CNTNAP1: variants seen among roughly 807,000 people sequenced by gnomAD.
CNTNAP1 encodes the protein contactin associated protein 1, also known as contactin-associated protein 1.
Under a neutral mutation model 161.5 loss-of-function variants are expected in CNTNAP1, and 80 were observed. The observed-to-expected ratio is 0.50, with a 90% CI of 0.41 to 0.60. The LOEUF (loss-of-function observed/expected upper bound fraction) is 0.60, where lower values mean the gene tolerates loss of function less well. Among genes scored for constraint, CNTNAP1 ranks in the 20% least tolerant of loss-of-function variants. The pLI is 0.00. For missense variants in CNTNAP1, 1,464 were observed against 1,854.8 expected, an observed-to-expected ratio of 0.79 and a Z score of 3.87; for synonymous variants, 695 against 733.1, an observed-to-expected ratio of 0.95 and a Z score of 0.84.
Position 42,685,134 on chromosome 17 carries a change from A to G in CNTNAP1, c.507A>G (p.Pro169=), listed in dbSNP as rs374560939. 1 of 1,592,542 alleles carries G rather than the reference A, an allele frequency of 6.3e-7. No homozygotes were observed. Among genetic ancestry groups the G allele is most frequent in the East Asian group, 2.2e-5 (1 of 44,592 alleles). The change falls in exon 4 of 24, where the codon CCA becomes CCG. Residue 169 remains proline, a synonymous_variant. Coordinates refer to ENST00000264638, the MANE Select transcript of CNTNAP1 (RefSeq NM_003632.3). This position sits in a 1 kb window ranked among gnomAD's most constrained non-coding sequence, Gnocchi z 5.0. ...TGAGGCTCGGCCTCTATGGCTGCCC[A>G]TACAGTAAGTGTGCAGAGAGCGCGG... The part of the protein sequence containing the change: ...IGLRLGLYGC[P]YKADILYFDG...
chr17:42,699,199 T>C lies in CNTNAP1; in HGVS notation c.*289T>C, dbSNP rs533238012. The C allele has an allele frequency of 5.8e-6, 2 of 347,666 alleles. No homozygotes were observed. Among genetic ancestry groups the C allele is most frequent in the Admixed American group, 9.0e-5 (2 of 22,184 alleles). The allele number at this position is 347,666 out of a possible 1,614,324, so 21.5% of individuals were successfully genotyped here. A position where few individuals can be genotyped will look rare whatever the true frequency, so the allele number is the denominator to read the frequency against. ...TCATGGGGTTGACATAGGTCCTTTC[T>C]GCCATCTCTGTTCCAGCTGCTGTCA... is the stretch of plus-strand genomic sequence containing the variant. On this transcript the variant is annotated 3_prime_UTR_variant, in exon 24 of 24. Coordinates refer to ENST00000264638, the MANE Select transcript of CNTNAP1 (RefSeq NM_003632.3).
At position 42,685,407 on chromosome 17, in the gene CNTNAP1, G is replaced by A; in HGVS notation, c.702G>A (p.Leu234=). The change falls in exon 5 of 24, where the codon CTG becomes CTA. Residue 234 remains leucine, a synonymous_variant. Coordinates refer to ENST00000264638, the MANE Select transcript of CNTNAP1 (RefSeq NM_003632.3). This position sits in a 1 kb window ranked among gnomAD's most constrained non-coding sequence, Gnocchi z 5.0. ...AGCTGGAGGGGGCACACCTGCTGCT[G>A]CACATGAGCCTGGGTGAGCTCGGCG... ...TLELEGAHLL[L]HMSLGSSPIQ... The A allele has an allele frequency of 6.2e-7, 1 of 1,602,940 alleles. No individual in the cohort carries two copies. The highest frequency in any genetic ancestry group is 1.3e-5 in the African/African-American group (1 of 75,074).
At chr17:42,690,633 C>A in intron 12 of CNTNAP1, 106 bp from the exon 13 acceptor site, 1 of 1,140,710 alleles carries the variant, frequency 8.8e-7, no homozygotes, top group Non-Finnish European at 1.3e-6. Flanking sequence ...GAGCTGCTGG[C>A]CACGTTCAGT....
chr17:42,685,700 G>A lies in CNTNAP1; in HGVS notation c.716-257G>A, dbSNP rs183477229. Among the ~76,000 whole-genome samples the A allele has an allele frequency of 2.6e-5, 4 of 152,134 alleles. No individual in the cohort carries two copies. Among genetic ancestry groups the A allele is most frequent in the African/African-American group, 7.2e-5 (3 of 41,426 alleles). ...TCCTTGTAAACACACACACACAGAC[G>A]CACACACATTGTATCTCATTAGCTT... On this transcript the variant is annotated intron_variant, in intron 5 of 23. Transcript: ENST00000264638. This position sits in a 1 kb window ranked among gnomAD's most constrained non-coding sequence, Gnocchi z 5.0.
Position 42,695,844 on chromosome 17 carries a change from GACTAC to G in CNTNAP1, c.3318_3322del (p.Tyr1107GlyfsTer7). The G allele has an allele frequency of 1.2e-6, 2 of 1,614,088 alleles. No homozygotes were observed. The highest frequency in any genetic ancestry group is 1.7e-6 in the Non-Finnish European group (2 of 1,179,984). ...GCTCTACGTCAGTTCCTTTGTTCGT[GACTAC>G]ATGGCTGTGCTCATCAAGGATGATG... On this transcript the variant is annotated frameshift_variant, in exon 19 of 24. Transcript: ENST00000264638. LOFTEE classifies it high-confidence loss of function.
In CNTNAP1 at chr17:42,689,604, A is replaced by G; in HGVS notation, c.1712A>G (p.Tyr571Cys). 6.2e-7 allele frequency: 1 copy of G among 1,613,914 alleles called. No individual in the cohort carries two copies. Among genetic ancestry groups the G allele is most frequent in the Non-Finnish European group, 8.5e-7 (1 of 1,179,856 alleles). ...DFICYCELTG[Y>C]KGETCHTPLY... ...ATTTGCTACTGCGAACTGACGGGCT[A>G]CAAGGGAGAGACCTGCCACACACGT... Residue 571 changes from tyrosine (Y) to cysteine (C), a missense_variant, in exon 11 of 24, where the codon TAC becomes TGC. By Grantham distance (194) the Tyr-to-Cys change is radical. This residue lies in a region of CNTNAP1 where 1,383 missense variants were observed against 1,765.0 expected (regional missense o/e 0.78). Coordinates refer to ENST00000264638, the MANE Select transcript of CNTNAP1 (RefSeq NM_003632.3).
intron 20 of CNTNAP1, 134 bp downstream of exon 20, chr17:42,696,286 C>A: frequency 4.5e-6 from 5 of 1,103,314 alleles, no homozygotes; most frequent in East Asian, 2.6e-5. Flanking sequence ...TGTGTCACCT[C>A]ATGTAACCCT....
At position 42,682,746 on chromosome 17, in the gene CNTNAP1, A is replaced by G; in HGVS notation, c.-84A>G. ...AGAGCGGTCTGCTGCAAACCCCAGG[A>G]GGAGAGCTTGGAGCCCAAGCCAGAA... On this transcript the variant is annotated 5_prime_UTR_variant, in exon 1 of 24. Coordinates refer to ENST00000264638, the MANE Select transcript of CNTNAP1 (RefSeq NM_003632.3). 1.4e-6 allele frequency: 2 copies of G among 1,391,942 alleles called. No homozygotes were observed. Among genetic ancestry groups the G allele is most frequent in the South Asian group, 1.2e-5 (1 of 81,026 alleles). 86.2% of individuals were successfully genotyped at this position (1,391,942 alleles called of 1,614,324 possible). A position where few individuals can be genotyped will look rare whatever the true frequency, so the allele number is the denominator to read the frequency against.
rs752967566 is a variant in CNTNAP1 at position 42,698,787 on chromosome 17, C to T, written c.4032C>T (p.Thr1344=). The T allele has an allele frequency of 2.5e-5, 40 of 1,611,448 alleles. No homozygotes were observed. The highest frequency in any genetic ancestry group is 3.1e-5 in the Non-Finnish European group (37 of 1,179,870). Residue 1344 remains threonine, a synonymous_variant, in exon 24 of 24, where the codon ACC becomes ACT. Transcript: ENST00000264638. ...CTTCAGGCCCTGCCCAGGTCCCCAC[C>T]CCTACAGCAGCTCCCAACCAAGCTC... is the stretch of plus-strand genomic sequence containing the variant. ...LPTSGPAQVP[T]PTAAPNQAPA...
At position 42,687,645 on chromosome 17, in the gene CNTNAP1, C is replaced by A; in HGVS notation, c.1045-75C>A. On this transcript the variant is annotated intron_variant, in intron 7 of 23. Coordinates refer to ENST00000264638, the MANE Select transcript of CNTNAP1 (RefSeq NM_003632.3). This position sits in a 1 kb window ranked among gnomAD's most constrained non-coding sequence, Gnocchi z 4.7. ...GAGGGCGGTGACCAGGGTCTTAGAC[C>A]GGTGTGAAAACTGAATTCCCAGCTG... 6.4e-7 allele frequency: 1 copy of A among 1,560,566 alleles called. No individual in the cohort carries two copies. The highest frequency in any genetic ancestry group is 1.8e-5 in the Admixed American group (1 of 56,492).
chr17:42,691,579 A>C lies in CNTNAP1; in HGVS notation c.2344+68A>C. The C allele has an allele frequency of 6.3e-7, 1 of 1,596,300 alleles. No individual in the cohort carries two copies. On this transcript the variant is annotated intron_variant, in intron 15 of 23. Coordinates refer to ENST00000264638, the MANE Select transcript of CNTNAP1 (RefSeq NM_003632.3). This position sits in a 1 kb window ranked among gnomAD's most constrained non-coding sequence, Gnocchi z 4.3. ...CTCCAGTTTCCAAAATCTAGGCCGC[A>C]TGTCACTGGTGGTCTCTAGCTGGGG...
In CNTNAP1 at chr17:42,686,349, G is replaced by C. The variant is rs539523378; in HGVS notation, c.900+208G>C. Among the ~76,000 whole-genome samples, 80 of 151,888 alleles carry C rather than the reference G, an allele frequency of 5.3e-4. No individual in the cohort carries two copies. The Middle Eastern group carries it at 0.021, about 39-fold the overall frequency. ...AGGCCAGGTGTTCAAGACTCACCTG[G>C]GCAACATAGTGACATCCTACCTCTA... On this transcript the variant is annotated intron_variant, in intron 6 of 23. Transcript: ENST00000264638.
At position 42,699,191 on chromosome 17, in the gene CNTNAP1, G is replaced by T; in HGVS notation, c.*281G>T. 1 of 372,928 alleles carries T rather than the reference G, an allele frequency of 2.7e-6. No homozygotes were observed. The allele number at this position is 372,928 out of a possible 1,614,324, so 23.1% of individuals were successfully genotyped here. ...GAGAAGCCTCATGGGGTTGACATAGGTCCTTTCTGCCATCTCTGTTCCAGC... is the reference window on the plus strand; with the variant it reads ...GAGAAGCCTCATGGGGTTGACATAGTTCCTTTCTGCCATCTCTGTTCCAGC... On this transcript the variant is annotated 3_prime_UTR_variant, in exon 24 of 24. Transcript: ENST00000264638.
intron 1 of CNTNAP1, chr17:42,683,396 T>C: frequency 9.3e-7 from 1 of 1,080,050 alleles, no homozygotes; most frequent in Non-Finnish European, 1.1e-6. Context: ...TAGCACTGGC[T>C]GAGGTTGGGT....
chr17:42,688,824 AG>A, intron 9 of CNTNAP1, 51 bp from the exon 10 acceptor site: 2 of 1,601,168 alleles, frequency 1.2e-6, no homozygotes, highest in Non-Finnish European at 1.7e-6. Flanking sequence ...TCCCTGGGGG[AG>A]GGTCTTTGGG....
chr17:42,686,169 T>C (rs769822648), intron 6 of CNTNAP1, 28 bp downstream of exon 6: 1 of 1,611,360 alleles, frequency 6.2e-7, no homozygotes, highest in Non-Finnish European at 8.5e-7. Flanking sequence ...TGCTATTTCG[T>C]GGTAGGGTAG....
In CNTNAP1 at chr17:42,691,872, A is replaced by C; in HGVS notation, c.2411A>C (p.Asn804Thr). The C allele has an allele frequency of 1.2e-6, 2 of 1,613,738 alleles. No individual in the cohort carries two copies. Among genetic ancestry groups the C allele is most frequent in the South Asian group, 2.2e-5 (2 of 91,052 alleles). The stretch of plus-strand genomic sequence containing the variant: ...CTACGCTTCCCCCCAATCCGTGCCA[A>C]CCACAGCCTGGATGTCTCCTTCTAC... ...AALRFPPIRA[N>T]HSLDVSFYFR... The change falls in exon 16 of 24, where the codon AAC (asparagine) becomes ACC (threonine). Residue 804 changes from asparagine (N) to threonine (T), a missense_variant. By Grantham distance (65) the Asn-to-Thr change is moderately conservative (BLOSUM62 0). Transcript: ENST00000264638. The surrounding 1 kb of genome is among the most constrained non-coding windows in gnomAD (Gnocchi z 4.3).
chr17:42,695,977 A>G (rs2053147257), intron 19 of CNTNAP1, 48 bp from the exon 20 acceptor site: 1 of 1,607,982 alleles, frequency 6.2e-7, no homozygotes, highest in Non-Finnish European at 8.5e-7. Flanking sequence ...GTTAGAAGAT[A>G]GGAGTCATGG....
chr17:42,698,446 TGTG>T (rs774734977), intron 23 of CNTNAP1, among the ~76,000 whole-genome samples, 169 bp from the exon 24 acceptor site: 113 of 85,478 alleles, frequency 1.3e-3, no homozygotes, highest in Non-Finnish European at 1.9e-3. Context: ...CAAAAGTAAA[TGTG>T]TGTGTGTGTG....
Sources: gnomAD v4.1 joint callset for allele counts (sites outside exome capture counted in the v4.1 genomes callset) on GRCh38, gnomAD v4.1.1 for gene constraint, gnomAD v4.1.1 regional missense constraint, Gnocchi (gnomAD v3.1) non-coding constraint, MANE v1.5 for transcripts, NCBI Gene and HGNC (gene_info 2026-07-23, HGNC 2026-07-21) for gene names.